Variants in ADAMTS18 observed in about 807,000 individuals in gnomAD.
ADAMTS18 encodes A disintegrin and metalloproteinase with thrombospondin motifs 18.
Under a neutral mutation model 165.9 loss-of-function variants are expected in ADAMTS18, and 157 were observed. That is an observed-to-expected ratio of 0.95 (90% CI 0.83 to 1.08). The LOEUF (loss-of-function observed/expected upper bound fraction) is 1.08. ADAMTS18 is among the 50% of genes least tolerant of loss of function. The pLI, the probability that ADAMTS18 is intolerant of heterozygous loss-of-function variation, is 0.00. For synonymous variants in ADAMTS18, 782 were observed against 578.2 expected, an observed-to-expected ratio of 1.35 and a Z score of -5.06; for missense variants, 2,040 against 1,534.0, an observed-to-expected ratio of 1.33 and a Z score of -5.51.
At chr16:77,382,718 G>A (rs977074272) in intron 3 of ADAMTS18, among the ~76,000 whole-genome samples, 3 of 152,182 alleles carry the variant, frequency 2.0e-5, no homozygotes, top group East Asian at 1.9e-4. Context: ...TGCCACAAAG[G>A]CTGTTGGTGA....
At chr16:77,391,738 C>A (rs1468865602) in intron 3 of ADAMTS18, among the ~76,000 whole-genome samples, 1 of 152,106 alleles carries the variant, frequency 6.6e-6, no homozygotes, top group African/African-American at 2.4e-5. Flanking sequence ...TACAACTCTA[C>A]TCGATTTCAA....
chr16:77,360,989 G>C (rs2056704565), intron 7 of ADAMTS18, among the ~76,000 whole-genome samples: 1 of 152,140 alleles, frequency 6.6e-6, no homozygotes, highest in African/African-American at 2.4e-5. Flanking sequence ...TGGAGGCTGA[G>C]GCAGGAGAAT....
rs150559261 is a variant in ADAMTS18, at chr16:77,401,186, A to G, written c.495+30109T>C. On this transcript the variant is annotated intron_variant, in intron 3 of 22. Transcript: ENST00000282849. ...AGGAGAATTGCTTGAACCCAGGGAC[A>G]GAGGTTGCGGTGAGCCGAGATCATA... is the stretch of plus-strand genomic sequence containing the variant. 1.4e-4 allele frequency among the ~76,000 whole-genome samples: 21 copies of G among 152,130 alleles called. No homozygotes were observed. The East Asian group carries it at 4.1e-3, about 30-fold the overall frequency.
At chr16:77,374,628 T>C (rs969890763) in intron 3 of ADAMTS18, among the ~76,000 whole-genome samples, 9 of 152,160 alleles carry the variant, frequency 5.9e-5, no homozygotes, top group African/African-American at 2.2e-4. Context: ...TCAACTAATA[T>C]CAAAGGCTTA....
chr16:77,377,234 G>T (rs1477448479), intron 3 of ADAMTS18, among the ~76,000 whole-genome samples: 6 of 152,192 alleles, frequency 3.9e-5, no homozygotes, highest in Middle Eastern at 3.4e-3. Flanking sequence ...TCCATCACAG[G>T]CTTTAGATTT....
chr16:77,322,110 G>A (rs764316475), intron 14 of ADAMTS18, among the ~76,000 whole-genome samples: 3 of 131,484 alleles, frequency 2.3e-5, no homozygotes, highest in East Asian at 2.3e-4. Flanking sequence ...AGCTAAGATC[G>A]CACCATTGCA....
chr16:77,415,356 A>G (rs2057516764), intron 3 of ADAMTS18, among the ~76,000 whole-genome samples: 1 of 152,206 alleles, frequency 6.6e-6, no homozygotes. Context: ...AGATTAACAG[A>G]AAAGTGGAGA....
At chr16:77,406,119 T>C (rs2057390523) in intron 3 of ADAMTS18, among the ~76,000 whole-genome samples, 1 of 152,136 alleles carries the variant, frequency 6.6e-6, no homozygotes, top group Non-Finnish European at 1.5e-5. Flanking sequence ...TGTGAAATCT[T>C]AAAAATTTAC....
intron 3 of ADAMTS18, among the ~76,000 whole-genome samples, chr16:77,389,508 G>A (rs1444455137): frequency 6.6e-6 from 1 of 152,160 alleles, no homozygotes; most frequent in Non-Finnish European, 1.5e-5. Flanking sequence ...AATGGGCCAG[G>A]CACTGAAGTA....
At chr16:77,289,861 G>T (rs1476964207) in intron 21 of ADAMTS18, among the ~76,000 whole-genome samples, 1 of 152,192 alleles carries the variant, frequency 6.6e-6, no homozygotes, top group Non-Finnish European at 1.5e-5. Flanking sequence ...TAGGTCCTCG[G>T]TGCCCAGCCA....
intron 21 of ADAMTS18, among the ~76,000 whole-genome samples, chr16:77,290,287 G>A (rs78286520): frequency 0.076 from 11,536 of 152,184 alleles, 585 homozygotes; most frequent in East Asian, 0.24. Flanking sequence ...TAGCACTAAA[G>A]CAGCTGTGGT....
chr16:77,323,572 TA>T lies in ADAMTS18; in HGVS notation c.2033-1107del, dbSNP rs1212677746. Among the ~76,000 whole-genome samples, 83 of 137,604 alleles carry T rather than the reference TA, an allele frequency of 6.0e-4. 1 individual carries two copies. The East Asian group carries it at 7.5e-3, about 12-fold the overall frequency. The allele number at this position is 137,604 out of a possible 152,430, so 90.3% of individuals were successfully genotyped here. On this transcript the variant is annotated intron_variant, in intron 13 of 22. Transcript: ENST00000282849. ...TAGAAAGTTCCTTTTTTTTTTTTTT[TA>T]AAAGCACAGATTCCTGGGTGAGTTT...
At chr16:77,291,229 A>ACTTGAATAGACACCTC (rs1567455350) in intron 21 of ADAMTS18, 37 bp downstream of exon 21, 5 of 1,609,282 alleles carry the variant, frequency 3.1e-6, no homozygotes, top group Admixed American at 1.7e-5. Flanking sequence ...TCGACATCTC[A>ACTTGAATAGACACCTC]CTTGAATAGA....
rs2057779965 is a variant in ADAMTS18, at chr16:77,434,986, GGTGTCTGCCCGCCCGTCT to G, written c.-309_-292del. On this transcript the variant is annotated 5_prime_UTR_variant, in exon 1 of 23. Coordinates refer to ENST00000282849, the MANE Select transcript of ADAMTS18 (RefSeq NM_199355.4). ...GAGCGCAAACGGTTGGGAGACTGTC[GGTGTCTGCCCGCCCGTCT>G]GTGCGTCTGTCTGTGTCGGTGTGAG... 1 of 283,812 alleles carries G rather than the reference GGTGTCTGCCCGCCCGTCT, an allele frequency of 3.5e-6. No individual in the cohort carries two copies. The highest frequency in any genetic ancestry group is 2.2e-5 in the African/African-American group (1 of 45,058). 17.6% of individuals were successfully genotyped at this position (283,812 alleles called of 1,614,324 possible).
intron 16 of ADAMTS18, among the ~76,000 whole-genome samples, chr16:77,315,149 C>T (rs1484042347): frequency 6.6e-6 from 1 of 151,948 alleles, no homozygotes; most frequent in Non-Finnish European, 1.5e-5. Context: ...TTTCTACCAT[C>T]ATGGCCTAAA....
At chr16:77,353,682 C>A in intron 10 of ADAMTS18, 51 bp downstream of exon 10, 2 of 1,613,046 alleles carry the variant, frequency 1.2e-6, no homozygotes, top group Non-Finnish European at 1.7e-6. Flanking sequence ...GTTAGGGACA[C>A]AGACACATTG....
chr16:77,354,985 T>A (rs1412033153), intron 9 of ADAMTS18, among the ~76,000 whole-genome samples: 1 of 152,192 alleles, frequency 6.6e-6, no homozygotes. Flanking sequence ...TTACCACCCT[T>A]TGGGCATATG....
intron 8 of ADAMTS18, among the ~76,000 whole-genome samples, chr16:77,357,153 T>C (rs768264614): frequency 6.6e-5 from 10 of 152,142 alleles, no homozygotes; most frequent in African/African-American, 2.2e-4. Context: ...ATAAATGTTA[T>C]CCTGATATAA....
chr16:77,355,992 C>G lies in ADAMTS18; in HGVS notation c.1408G>C (p.Gly470Arg). ...IMSPTLTGNN[G>R]VFSWSSCSRQ... ...CTGCAGGAAGACCATGAAAACACTC[C>G]ATTGTTTCCGGTCAGTGTGGGAGAC... The change falls in exon 9 of 23, where the codon GGA becomes CGA. Residue 470 changes from glycine (G) to arginine (R), a missense_variant. Physicochemically the swap from Gly to Arg is moderately radical, Grantham distance 125 (BLOSUM62 -2). Transcript: ENST00000282849. 2.5e-6 allele frequency: 4 copies of G among 1,614,120 alleles called. No individual in the cohort carries two copies. The highest frequency in any genetic ancestry group is 3.4e-6 in the Non-Finnish European group (4 of 1,179,990).
Sources: gnomAD v4.1 joint callset for allele counts (sites outside exome capture counted in the v4.1 genomes callset) on GRCh38, gnomAD v4.1.1 for gene constraint, MANE v1.5 for transcripts, NCBI Gene and HGNC (gene_info 2026-07-23, HGNC 2026-07-21) for gene names.